KDM4C: variants seen among roughly 807,000 people sequenced by gnomAD.
The protein encoded by KDM4C is lysine-specific demethylase 4C.
In KDM4C, 81 loss-of-function variants were observed where a neutral mutation model predicts 129.3. That is an observed-to-expected ratio of 0.63 (90% CI 0.52 to 0.75). The LOEUF is 0.75. KDM4C is among the 30% of genes least tolerant of loss of function. The pLI, the probability that KDM4C is intolerant of heterozygous loss-of-function variation, is 0.00. For missense variants in KDM4C, 1,457 were observed against 1,304.0 expected, an observed-to-expected ratio of 1.12 and a Z score of -1.81; for synonymous variants, 573 against 456.1, an observed-to-expected ratio of 1.26 and a Z score of -3.26.
At chr9:7,020,467 G>A (rs894322678) in intron 15 of KDM4C, among the ~76,000 whole-genome samples, 1 of 152,090 alleles carries the variant, frequency 6.6e-6, no homozygotes, top group Non-Finnish European at 1.5e-5. Context: ...AGCTCTGTTT[G>A]ATTGAAACCC....
chr9:6,764,157 T>C (rs10975823), intron 1 of KDM4C, among the ~76,000 whole-genome samples: 16,258 of 152,278 alleles, frequency 0.11, 1,042 homozygotes, highest in African/African-American at 0.17. Context: ...AGTTGTTGCT[T>C]GTATTACTCA....
intron 20 of KDM4C, among the ~76,000 whole-genome samples, chr9:7,166,456 GTA>G (rs57581995): frequency 0.57 from 86,763 of 151,594 alleles, 24,875 homozygotes; most frequent in East Asian, 0.6. Context: ...GTGTATGTGT[GTA>G]TGTGTGTCTG....
At chr9:7,025,418 G>A (rs1217704237) in intron 15 of KDM4C, among the ~76,000 whole-genome samples, 1 of 152,038 alleles carries the variant, frequency 6.6e-6, no homozygotes, top group African/African-American at 2.4e-5. Flanking sequence ...TGCTTGTTTT[G>A]TGGTCTTCTC....
chr9:6,922,937 G>A (rs2131223415), intron 8 of KDM4C, among the ~76,000 whole-genome samples: 1 of 152,284 alleles, frequency 6.6e-6, no homozygotes, highest in South Asian at 2.1e-4. Flanking sequence ...CATTAGATTT[G>A]TTTCCAAAGT....
upstream of KDM4C, among the ~76,000 whole-genome samples, chr9:6,753,793 T>G (rs2130313924): frequency 6.6e-6 from 1 of 152,272 alleles, no homozygotes; most frequent in South Asian, 2.1e-4. Flanking sequence ...TCTCTCATTA[T>G]TCCTGTATAA....
intron 1 of KDM4C, among the ~76,000 whole-genome samples, chr9:6,779,919 C>G (rs1372221227): frequency 6.6e-6 from 1 of 152,104 alleles, no homozygotes; most frequent in Non-Finnish European, 1.5e-5. Context: ...TGAAATTAAC[C>G]TGAGTGGCTC....
At chr9:6,922,297 T>G (rs1225990365) in intron 8 of KDM4C, among the ~76,000 whole-genome samples, 2 of 152,368 alleles carry the variant, frequency 1.3e-5, no homozygotes, top group East Asian at 1.9e-4. Flanking sequence ...CCTTTGCCCT[T>G]ATGCAGGGCA....
chr9:7,023,422 G>A (rs1825231405), intron 15 of KDM4C, among the ~76,000 whole-genome samples: 1 of 151,912 alleles, frequency 6.6e-6, no homozygotes, highest in Admixed American at 6.6e-5. Context: ...CTATTTATTG[G>A]CATATAGTTG....
intron 21 of KDM4C, among the ~76,000 whole-genome samples, chr9:7,172,080 T>A (rs935394731): frequency 1.3e-5 from 2 of 151,292 alleles, no homozygotes; most frequent in African/African-American, 4.9e-5. Context: ...ATTATTACTA[T>A]TTTTTTTCCA....
chr9:7,098,317 T>C lies in KDM4C; in HGVS notation c.2425-5368T>C, dbSNP rs184866313. On this transcript the variant is annotated intron_variant, in intron 17 of 21. Coordinates refer to ENST00000381309, the MANE Select transcript of KDM4C (RefSeq NM_015061.6). ...GCCTTTCCCTGCTACTTGACTTTTC[T>C]TAGCTTTCTCACCTTTTGCAGGGTG... Among the ~76,000 whole-genome samples the C allele has an allele frequency of 4.4e-3, 669 of 152,364 alleles. 3 individuals are homozygous for C. The highest frequency in any genetic ancestry group is 8.0e-3 in the Non-Finnish European group (547 of 68,036).
chr9:7,015,829 T>C (rs1823554488), intron 14 of KDM4C, 24 bp from the exon 15 acceptor site: 1 of 1,529,136 alleles, frequency 6.5e-7, no homozygotes, highest in South Asian at 1.1e-5. Flanking sequence ...ACCTAACGCA[T>C]GGATACATAC....
At chr9:7,082,312 G>T (rs575051427) in intron 17 of KDM4C, among the ~76,000 whole-genome samples, 1 of 152,336 alleles carries the variant, frequency 6.6e-6, no homozygotes, top group East Asian at 1.9e-4. Flanking sequence ...TGTTCCACCT[G>T]AGTTTCGTTT....
chr9:6,918,593 C>T (rs1563810944), intron 8 of KDM4C, among the ~76,000 whole-genome samples: 1 of 152,146 alleles, frequency 6.6e-6, no homozygotes, highest in Non-Finnish European at 1.5e-5. Context: ...GAGAAATCTC[C>T]AAACAGCTTT....
At chr9:6,824,583 T>A (rs373397948) in intron 4 of KDM4C, among the ~76,000 whole-genome samples, 85 of 152,166 alleles carry the variant, frequency 5.6e-4, no homozygotes, top group African/African-American at 1.8e-3. Flanking sequence ...ATCTATTGTT[T>A]TTTATTGTAT....
At chr9:6,926,293 G>C (rs377426959) in intron 8 of KDM4C, among the ~76,000 whole-genome samples, 2 of 140,144 alleles carry the variant, frequency 1.4e-5, no homozygotes, top group African/African-American at 5.3e-5. Context: ...AATATAAGGC[G>C]TTTGTGAATA....
At chr9:7,037,218 G>A (rs1827808624) in intron 15 of KDM4C, among the ~76,000 whole-genome samples, 1 of 152,152 alleles carries the variant, frequency 6.6e-6, no homozygotes, top group Admixed American at 6.6e-5. Flanking sequence ...AGATAAATGA[G>A]GGTGTGTTTG....
At chr9:7,144,560 G>T (rs545249295) in intron 19 of KDM4C, among the ~76,000 whole-genome samples, 1 of 152,180 alleles carries the variant, frequency 6.6e-6, no homozygotes, top group Admixed American at 6.5e-5. Context: ...TCCCATTCTC[G>T]TAGGGGAGAA....
At chr9:6,995,323 G>C (rs917386346) in intron 12 of KDM4C, among the ~76,000 whole-genome samples, 1 of 151,900 alleles carries the variant, frequency 6.6e-6, no homozygotes, top group Non-Finnish European at 1.5e-5. Context: ...ACATACACCT[G>C]TATGGACACA....
intron 8 of KDM4C, among the ~76,000 whole-genome samples, chr9:6,942,065 T>C (rs373563737): frequency 1.7e-3 from 252 of 152,310 alleles, no homozygotes; most frequent in Non-Finnish European, 2.6e-3. Context: ...CCAATATAAA[T>C]TGGTAGAGCA....
Sources: allele counts gnomAD v4.1 joint callset (sites outside exome capture counted in the v4.1 genomes callset), GRCh38; gene constraint gnomAD v4.1.1; transcripts MANE v1.5; gene names NCBI Gene and HGNC (gene_info 2026-07-23, HGNC 2026-07-21).